The following DLG5 variants were observed in gnomAD, a reference collection of about 807,000 sequenced individuals.
DLG5 encodes the protein discs large MAGUK scaffold protein 5.
In DLG5, 48 loss-of-function variants were observed where a neutral mutation model predicts 189.8. The observed-to-expected ratio is 0.25, with a 90% CI of 0.20 to 0.32. The LOEUF is 0.32. Ranked by LOEUF, DLG5 falls within the 10% of genes least tolerant of loss-of-function variation. The pLI is 1.00. For synonymous variants in DLG5, 1,016 were observed against 1,054.1 expected (o/e 0.96, Z 0.70); for missense variants, 2,160 against 2,544.7 (o/e 0.85, Z 3.25).
intron 2 of DLG5, chr10:77,867,251 C>G (rs1478906306): frequency 5.4e-6 from 2 of 369,284 alleles, no homozygotes; most frequent in East Asian, 7.3e-5. Context: ...GCAAATACCC[C>G]TCTCTGGAAT....
At chr10:77,900,922 G>C (rs935599382) in intron 1 of DLG5, among the ~76,000 whole-genome samples, 1 of 151,914 alleles carries the variant, frequency 6.6e-6, no homozygotes, top group Admixed American at 6.5e-5. Context: ...GTGACAGAGC[G>C]AGACTCCGTC....
rs763045403 is a variant in DLG5, at chr10:77,830,362, A to G, written c.1882-18T>C. 8 of 1,614,002 alleles carry G rather than the reference A, an allele frequency of 5.0e-6. No individual in the cohort carries two copies. Among genetic ancestry groups the G allele is most frequent in the Middle Eastern group, 1.6e-4 (1 of 6,084 alleles). ...ATATCCTCCTGCAAAAACAGCAGCAACAGCAACGCATTTCACAAAGCAGTG... is the reference window on the plus strand; with the variant it reads ...ATATCCTCCTGCAAAAACAGCAGCAGCAGCAACGCATTTCACAAAGCAGTG... On this transcript the variant is annotated intron_variant, in intron 10 of 31. Coordinates refer to ENST00000372391, the MANE Select transcript of DLG5 (RefSeq NM_004747.4).
At position 77,842,023 on chromosome 10, in the gene DLG5, T is replaced by C; in HGVS notation, c.1295A>G (p.Tyr432Cys). 1 of 1,614,234 alleles carries C rather than the reference T, an allele frequency of 6.2e-7. No individual in the cohort carries two copies. Among genetic ancestry groups the C allele is most frequent in the Non-Finnish European group, 8.5e-7 (1 of 1,180,046 alleles). ...REERDAVYSE[Y>C]KLIMSERDQV... is the part of the protein sequence containing the mutation. Reference sequence around the variant, plus strand: ...GTCACGCTCACTCATGATGAGCTTGTACTCGCTGTACACAGCGTCCCGCTC... The same window carrying C: ...GTCACGCTCACTCATGATGAGCTTGCACTCGCTGTACACAGCGTCCCGCTC... Residue 432 changes from tyrosine to cysteine, a missense_variant, in exon 7 of 32, where the codon TAC becomes TGC. Tyr to Cys is a radical substitution (Grantham distance 194). Transcript: ENST00000372391.
At chr10:77,835,952 G>A in intron 7 of DLG5, 30 bp from the exon 8 acceptor site, 2 of 1,591,656 alleles carry the variant, frequency 1.3e-6, no homozygotes, top group South Asian at 1.1e-5. Flanking sequence ...GGAAGAGGGA[G>A]AGGTTGCTGA....
chr10:77,916,904 A>AATATATACATATAT (rs1846373908), intron 1 of DLG5, among the ~76,000 whole-genome samples: 1 of 129,126 alleles, frequency 7.7e-6, no homozygotes, highest in Non-Finnish European at 1.6e-5. Flanking sequence ...TAAAATATAG[A>AATATATACATATAT]ATATATATAT....
rs750119835 is a variant in DLG5, at chr10:77,807,953, G to A, written c.4648-9C>T. On this transcript the variant is annotated splice_polypyrimidine_tract_variant and intron_variant, in intron 24 of 31. Coordinates refer to ENST00000372391, the MANE Select transcript of DLG5 (RefSeq NM_004747.4). ...ACGTCCAGGCTGCCATACTGCCAGGGATGGGGGTGGATGCATCAGAAGGCA... is the reference window on the plus strand; with the variant it reads ...ACGTCCAGGCTGCCATACTGCCAGGAATGGGGGTGGATGCATCAGAAGGCA... 16 of 1,613,972 alleles carry A rather than the reference G, an allele frequency of 9.9e-6. No homozygotes were observed. The highest frequency in any genetic ancestry group is 2.2e-5 in the East Asian group (1 of 44,884).
chr10:77,837,557 A>T (rs1843207615), intron 7 of DLG5, among the ~76,000 whole-genome samples: 1 of 152,240 alleles, frequency 6.6e-6, no homozygotes, highest in African/African-American at 2.4e-5. Context: ...GGAATACAAG[A>T]AGTACTATAC....
At chr10:77,854,484 C>G in intron 3 of DLG5, 114 bp from the exon 4 acceptor site, 9 of 1,318,862 alleles carry the variant, frequency 6.8e-6, no homozygotes, top group Non-Finnish European at 9.3e-6. Flanking sequence ...GTCTTCTATG[C>G]ACCACACACA....
intron 1 of DLG5, among the ~76,000 whole-genome samples, chr10:77,900,737 C>T (rs1386517048): frequency 3.3e-5 from 5 of 152,144 alleles, no homozygotes; most frequent in Admixed American, 2.0e-4. Context: ...GAGTTTGAGA[C>T]CAGCCTGACC....
At chr10:77,873,239 C>A (rs2154577170) in intron 1 of DLG5, among the ~76,000 whole-genome samples, 1 of 152,200 alleles carries the variant, frequency 6.6e-6, no homozygotes, top group Non-Finnish European at 1.5e-5. Flanking sequence ...AAAGGAACTA[C>A]CTGGGCAACG....
At chr10:77,875,177 G>C (rs2154577211) in intron 1 of DLG5, among the ~76,000 whole-genome samples, 1 of 152,334 alleles carries the variant, frequency 6.6e-6, no homozygotes, top group East Asian at 1.9e-4. Flanking sequence ...CCCAGCGCCT[G>C]TGCTCTCAAA....
chr10:77,930,595 C>T (rs952945825), upstream of DLG5, among the ~76,000 whole-genome samples: 8 of 151,474 alleles, frequency 5.3e-5, no homozygotes, highest in Admixed American at 1.3e-4. Context: ...GTGATCCACC[C>T]GCCTCGGCCT....
intron 7 of DLG5, among the ~76,000 whole-genome samples, chr10:77,840,855 G>T (rs762842560): frequency 6.6e-6 from 1 of 152,196 alleles, no homozygotes; most frequent in Non-Finnish European, 1.5e-5. Flanking sequence ...ACGAGGAGTT[G>T]CTGTCGGTTG....
chr10:77,838,925 G>A (rs1310544194), intron 7 of DLG5, among the ~76,000 whole-genome samples: 1 of 152,224 alleles, frequency 6.6e-6, no homozygotes, highest in Non-Finnish European at 1.5e-5. Context: ...GGGCAGCCGC[G>A]GGGGCTCTCT....
intron 11 of DLG5, among the ~76,000 whole-genome samples, chr10:77,829,914 A>G (rs1842822148): frequency 6.6e-6 from 1 of 152,204 alleles, no homozygotes; most frequent in South Asian, 2.1e-4. Context: ...CATCATGACT[A>G]TTTCCCTGAA....
chr10:77,829,018 T>TG (rs1842778879), intron 12 of DLG5, 33 bp from the exon 13 acceptor site: 1 of 1,603,050 alleles, frequency 6.2e-7, no homozygotes, highest in African/African-American at 1.3e-5. Context: ...GGGTAGCCCC[T>TG]GGCCTCGCTG....
rs66534828 is a variant in DLG5, at chr10:77,833,544, CGAGTGAGTGAGT to C, written c.1748+358_1748+369del. Among the ~76,000 whole-genome samples the C allele has an allele frequency of 1.1e-4, 16 of 150,908 alleles. No homozygotes were observed. The East Asian group carries it at 1.4e-3, about 13-fold the overall frequency. On this transcript the variant is annotated intron_variant, in intron 9 of 31. Transcript: ENST00000372391. ...AGAGCAGGTACTTAAAAAATCTCTG[CGAGTGAGTGAGT>C]GAGTGAGTGAGTGAGTGAGTAGGGG...
At chr10:77,917,100 C>G (rs1367638399) in intron 1 of DLG5, among the ~76,000 whole-genome samples, 2 of 151,678 alleles carry the variant, frequency 1.3e-5, no homozygotes, top group African/African-American at 4.8e-5. Flanking sequence ...CTTGAGAGGC[C>G]AAGGCGGCCA....
intron 29 of DLG5, among the ~76,000 whole-genome samples, chr10:77,795,593 A>C (rs1013582629): frequency 3.9e-5 from 6 of 152,030 alleles, no homozygotes; most frequent in African/African-American, 9.7e-5. Flanking sequence ...AGCACTCCCC[A>C]CAGACGTCCC....
Sources: gnomAD v4.1 joint callset for allele counts (sites outside exome capture counted in the v4.1 genomes callset) on GRCh38, gnomAD v4.1.1 for gene constraint, MANE v1.5 for transcripts, NCBI Gene and HGNC (gene_info 2026-07-23, HGNC 2026-07-21) for gene names.